REEP5: variants seen among roughly 807,000 people sequenced by gnomAD.
REEP5 encodes the protein receptor accessory protein 5.
A neutral mutation model predicts 22.4 loss-of-function variants in REEP5; 24 were observed. The observed-to-expected ratio is 1.07, with a 90% CI of 0.78 to 1.51. The LOEUF (loss-of-function observed/expected upper bound fraction) is 1.51, where lower values mean the gene tolerates loss of function less well. REEP5 is among the 40% of genes most tolerant of loss of function. The pLI is 0.00. For missense variants in REEP5, 252 were observed against 233.0 expected, an observed-to-expected ratio of 1.08 and a Z score of -0.53; for synonymous variants, 103 against 88.6, an observed-to-expected ratio of 1.16 and a Z score of -0.92.
chr5:112,885,989 T>TGTG (rs1358466930), intron 4 of REEP5, among the ~76,000 whole-genome samples: 1 of 152,230 alleles, frequency 6.6e-6, no homozygotes, highest in African/African-American at 2.4e-5. Context: ...TTACAGTGAC[T>TGTG]GTGGGTATGA....
chr5:112,880,973 A>G (rs1430794938), intron 4 of REEP5, among the ~76,000 whole-genome samples: 1 of 152,084 alleles, frequency 6.6e-6, no homozygotes, highest in Non-Finnish European at 1.5e-5. Flanking sequence ...TACTAAAAAT[A>G]CAAGTATCAG....
At chr5:112,888,323 T>C (rs370402678) in intron 3 of REEP5, among the ~76,000 whole-genome samples, 1 of 152,208 alleles carries the variant, frequency 6.6e-6, no homozygotes, top group African/African-American at 2.4e-5. Context: ...AATGCACAAA[T>C]AGCTCACTCC....
rs1767962698 is a variant in REEP5 at position 112,878,428 on chromosome 5, G to GTAAC, written c.*354_*357dup. On this transcript the variant is annotated 3_prime_UTR_variant, in exon 5 of 5. Coordinates refer to ENST00000379638, the MANE Select transcript of REEP5 (RefSeq NM_005669.5). ...TAGAACCATAAAGATTATCCTAAAT[G>GTAAC]TAACTACAGAGAAAATGCGTGCAGG... 1 of 220,028 alleles carries GTAAC rather than the reference G, an allele frequency of 4.5e-6. No individual in the cohort carries two copies. The highest frequency in any genetic ancestry group is 9.0e-6 in the Non-Finnish European group (1 of 111,654). 13.6% of individuals were successfully genotyped at this position (220,028 alleles called of 1,614,324 possible).
intron 2 of REEP5, among the ~76,000 whole-genome samples, chr5:112,915,818 G>A (rs184183780): frequency 2.6e-4 from 38 of 148,360 alleles, no homozygotes; most frequent in Non-Finnish European, 1.6e-4. Flanking sequence ...AGGCAGCTCA[G>A]TAGAAAATAC....
chr5:112,889,202 G>A (rs1391644638), intron 3 of REEP5, among the ~76,000 whole-genome samples: 1 of 150,212 alleles, frequency 6.7e-6, no homozygotes, highest in East Asian at 2.0e-4. Context: ...CAAATGCAGA[G>A]ACCATCCTGG....
chr5:112,906,441 A>C (rs1261411548), intron 2 of REEP5, among the ~76,000 whole-genome samples: 1 of 152,236 alleles, frequency 6.6e-6, no homozygotes, highest in Non-Finnish European at 1.5e-5. Context: ...TTATTGAATT[A>C]CTATACATAC....
At chr5:112,887,490 C>G (rs1030556485) in intron 3 of REEP5, among the ~76,000 whole-genome samples, 2 of 152,094 alleles carry the variant, frequency 1.3e-5, no homozygotes, top group Non-Finnish European at 2.9e-5. Flanking sequence ...TTTTATTAAT[C>G]ATAACTCTTA....
At chr5:112,904,124 CCA>C (rs1421411610) in intron 2 of REEP5, among the ~76,000 whole-genome samples, 3 of 152,078 alleles carry the variant, frequency 2.0e-5, no homozygotes, top group Non-Finnish European at 4.4e-5. Context: ...ACACCCAGCC[CCA>C]AATATTTCAA....
chr5:112,911,477 G>A (rs1289280222), intron 2 of REEP5, among the ~76,000 whole-genome samples: 2 of 152,080 alleles, frequency 1.3e-5, no homozygotes, highest in African/African-American at 2.4e-5. Flanking sequence ...ATGCTTACTT[G>A]GAGGGAGACA....
chr5:112,901,286 G>T (rs1768836660), intron 3 of REEP5, among the ~76,000 whole-genome samples: 1 of 152,150 alleles, frequency 6.6e-6, no homozygotes, highest in African/African-American at 2.4e-5. Flanking sequence ...ATGAAACAAG[G>T]ACAAGAAGAA....
In REEP5 at chr5:112,876,964, A is replaced by C. The variant is rs889722365; in HGVS notation, c.*1822T>G. The C allele has an allele frequency of 2.0e-5, 3 of 152,166 alleles. No homozygotes were observed. The highest frequency in any genetic ancestry group is 6.5e-5 in the Admixed American group (1 of 15,272). 9.4% of individuals were successfully genotyped at this position (152,166 alleles called of 1,614,324 possible). ...TTCTATATGCTGTCAATCTGATTAT[A>C]TAGTCTATATGCTAGAAGTTGCTGA... is the stretch of plus-strand genomic sequence containing the variant. On this transcript the variant is annotated 3_prime_UTR_variant, in exon 5 of 5. Transcript: ENST00000379638.
intron 2 of REEP5, among the ~76,000 whole-genome samples, chr5:112,910,115 C>G (rs144029819): frequency 2.6e-5 from 4 of 152,110 alleles, no homozygotes; most frequent in Non-Finnish European, 4.4e-5. Context: ...CCAGACTGGC[C>G]AACATGGTGA....
intron 2 of REEP5, among the ~76,000 whole-genome samples, chr5:112,917,336 C>T (rs1259581797): frequency 6.6e-6 from 1 of 152,226 alleles, no homozygotes; most frequent in East Asian, 1.9e-4. Flanking sequence ...CACACTCCAC[C>T]TTTCTCTGTC....
intron 3 of REEP5, among the ~76,000 whole-genome samples, chr5:112,888,601 C>CT (rs1192991410): frequency 1.5e-5 from 2 of 136,344 alleles, no homozygotes; most frequent in Admixed American, 1.5e-4. Context: ...TTTTTTATAA[C>CT]TTTTTTTTGT....
intron 2 of REEP5, among the ~76,000 whole-genome samples, chr5:112,913,361 GGAAAGAAAGAA>G (rs931715912): frequency 7.6e-6 from 1 of 131,110 alleles, no homozygotes; most frequent in Non-Finnish European, 1.6e-5. Context: ...AAGAAAGAAA[GGAAAGAAAGAA>G]GAAAGAAAGA....
chr5:112,884,862 A>T (rs1768194089), intron 4 of REEP5, among the ~76,000 whole-genome samples: 1 of 151,320 alleles, frequency 6.6e-6, no homozygotes, highest in Non-Finnish European at 1.5e-5. Flanking sequence ...TTTACTGCCT[A>T]TCTCTCAACT....
chr5:112,904,581 A>C (rs1232568451), intron 2 of REEP5, among the ~76,000 whole-genome samples: 1 of 152,180 alleles, frequency 6.6e-6, no homozygotes, highest in Non-Finnish European at 1.5e-5. Context: ...AAACCTCAAA[A>C]TGTGATGGGA....
chr5:112,904,558 G>C (rs547638956), intron 2 of REEP5, among the ~76,000 whole-genome samples: 142 of 152,296 alleles, frequency 9.3e-4, no homozygotes, highest in Non-Finnish European at 1.6e-3. Flanking sequence ...GTCTTTTCTA[G>C]AATATGACGT....
chr5:112,896,059 T>C (rs994872481), intron 3 of REEP5: 1 of 152,684 alleles, frequency 6.5e-6, no homozygotes, highest in Non-Finnish European at 1.5e-5. Flanking sequence ...GGTAGGGGTA[T>C]GCTTAACATG....
Sources: gnomAD v4.1 joint callset for allele counts (sites outside exome capture counted in the v4.1 genomes callset) on GRCh38, gnomAD v4.1.1 for gene constraint, MANE v1.5 for transcripts, NCBI Gene and HGNC (gene_info 2026-07-23, HGNC 2026-07-21) for gene names.